TATDN1: variants seen among roughly 807,000 people sequenced by gnomAD.
The protein encoded by TATDN1 is deoxyribonuclease TATDN1.
A neutral mutation model predicts 46.4 loss-of-function variants in TATDN1; 40 were observed. That is an observed-to-expected ratio of 0.86 (90% CI 0.67 to 1.12). The LOEUF is 1.12. Ranked by LOEUF, TATDN1 falls within the 50% of genes most tolerant of loss-of-function variation. TATDN1 has a pLI of 0.00. For missense variants in TATDN1, 326 were observed against 348.4 expected (o/e 0.94, Z 0.51); for synonymous variants, 95 against 105.6 (o/e 0.90, Z 0.62).
chr8:124,531,478 T>C (rs1304770376), intron 1 of TATDN1, among the ~76,000 whole-genome samples: 1 of 152,150 alleles, frequency 6.6e-6, no homozygotes, highest in African/African-American at 2.4e-5. Flanking sequence ...CTTGTTCTAG[T>C]ATTTGGCAGG....
chr8:124,523,736 A>G (rs140499774), intron 1 of TATDN1, among the ~76,000 whole-genome samples: 3 of 152,292 alleles, frequency 2.0e-5, no homozygotes, highest in African/African-American at 4.8e-5. Flanking sequence ...ACACCAAGCC[A>G]TTTTATGTAA....
chr8:124,497,168 T>C (rs1330279039), intron 9 of TATDN1, among the ~76,000 whole-genome samples: 2 of 152,168 alleles, frequency 1.3e-5, no homozygotes, highest in African/African-American at 4.8e-5. Flanking sequence ...CCTTCAAATT[T>C]ATCTGTTGAA....
At chr8:124,513,874 TATTAA>T (rs1479461328) in intron 6 of TATDN1, among the ~76,000 whole-genome samples, 2 of 152,292 alleles carry the variant, frequency 1.3e-5, no homozygotes, top group African/African-American at 4.8e-5. Flanking sequence ...CCTAAAGAAC[TATTAA>T]AGAGAACTGT....
intron 6 of TATDN1, among the ~76,000 whole-genome samples, 174 bp downstream of exon 6, chr8:124,515,572 C>A (rs749991409): frequency 1.2e-4 from 19 of 152,116 alleles, no homozygotes; most frequent in Non-Finnish European, 2.2e-4. Flanking sequence ...TGCTTCCATC[C>A]CTTATGAATT....
chr8:124,490,534 A>G (rs1413508562), intron 11 of TATDN1, among the ~76,000 whole-genome samples: 4 of 152,050 alleles, frequency 2.6e-5, no homozygotes, highest in Non-Finnish European at 4.4e-5. Context: ...AAGAAAAAAA[A>G]ATCTATTGGA....
intron 1 of TATDN1, among the ~76,000 whole-genome samples, chr8:124,533,206 G>C (rs1821123309): frequency 6.6e-6 from 1 of 151,880 alleles, no homozygotes; most frequent in South Asian, 2.1e-4. Context: ...GAGCCAAGAT[G>C]GCGCCACTGC....
At chr8:124,527,723 G>A (rs75831593) in intron 1 of TATDN1, among the ~76,000 whole-genome samples, 5,579 of 151,750 alleles carry the variant, frequency 0.037, 366 homozygotes, top group African/African-American at 0.13. Context: ...TTTTAGCCAC[G>A]ATCTGCTGCA....
Position 124,508,602 on chromosome 8 carries a change from C to T in TATDN1, c.475+1G>A. 6.2e-7 allele frequency: 1 copy of T among 1,606,000 alleles called. No homozygotes were observed. Among genetic ancestry groups the T allele is most frequent in the South Asian group, 1.1e-5 (1 of 89,424 alleles). ...TGAATGAGACTTTGGTTTTAACTCA[C>T]CCAAAAATTCAGCATGTGAGTTTCG... On this transcript the variant is annotated splice_donor_variant, in intron 7 of 11. Transcript: ENST00000276692. LOFTEE classifies it high-confidence loss of function.
At chr8:124,510,764 C>T (rs1484920082) in intron 6 of TATDN1, among the ~76,000 whole-genome samples, 2 of 152,002 alleles carry the variant, frequency 1.3e-5, no homozygotes, top group African/African-American at 4.8e-5. Context: ...GTCAAGGCTG[C>T]GGTGAGCCAT....
intron 10 of TATDN1, chr8:124,495,025 C>A (rs964192960): frequency 1.9e-5 from 3 of 159,232 alleles, no homozygotes; most frequent in African/African-American, 7.2e-5. Flanking sequence ...CCCGGCCTCA[C>A]CTTGTTTTAA....
At chr8:124,514,699 G>A (rs1819308845) in intron 6 of TATDN1, among the ~76,000 whole-genome samples, 1 of 152,160 alleles carries the variant, frequency 6.6e-6, no homozygotes, top group African/African-American at 2.4e-5. Context: ...TTCAGACTGT[G>A]ACCTAAATTT....
intron 1 of TATDN1, among the ~76,000 whole-genome samples, chr8:124,535,310 G>T (rs1027894010): frequency 1.3e-5 from 2 of 152,186 alleles, no homozygotes; most frequent in African/African-American, 4.8e-5. Flanking sequence ...ACACAAAAGG[G>T]CAGAGTTGAA....
chr8:124,523,092 TCACA>T, intron 1 of TATDN1, 90 bp from the exon 2 acceptor site: 4 of 1,087,000 alleles, frequency 3.7e-6, no homozygotes, highest in African/African-American at 1.6e-5. Flanking sequence ...AACTTTTTGT[TCACA>T]CACTCATCTA....
intron 6 of TATDN1, among the ~76,000 whole-genome samples, chr8:124,512,411 T>C (rs1819103174): frequency 6.6e-6 from 1 of 151,926 alleles, no homozygotes; most frequent in Admixed American, 6.6e-5. Context: ...GGGGACAGAG[T>C]GAGACTCCAT....
At chr8:124,506,334 C>CAAAAAAAAAAAAAAAAAAAAAA (rs56023168) in intron 8 of TATDN1, among the ~76,000 whole-genome samples, 2 of 52,524 alleles carry the variant, frequency 3.8e-5, no homozygotes. Flanking sequence ...GGCTCTGTCT[C>CAAAAAAAAAAAAAAAAAAAAAA]AAAAAAAAAA....
intron 1 of TATDN1, among the ~76,000 whole-genome samples, chr8:124,527,719 C>T (rs146691187): frequency 1.3e-5 from 2 of 151,774 alleles, no homozygotes; most frequent in Non-Finnish European, 1.5e-5. Flanking sequence ...CCCATTTTAG[C>T]CACGATCTGC....
chr8:124,501,548 C>T (rs900091282), intron 9 of TATDN1, among the ~76,000 whole-genome samples: 1 of 151,920 alleles, frequency 6.6e-6, no homozygotes, highest in Non-Finnish European at 1.5e-5. Flanking sequence ...CAGAAAGTAA[C>T]TTTAAACTAT....
chr8:124,531,672 CTAAA>C (rs1372394475), intron 1 of TATDN1, among the ~76,000 whole-genome samples: 1 of 152,080 alleles, frequency 6.6e-6, no homozygotes, highest in African/African-American at 2.4e-5. Flanking sequence ...ATGGTGGTAA[CTAAA>C]TGAAATCAAG....
chr8:124,526,531 G>C (rs1384135097), intron 1 of TATDN1: 1 of 152,190 alleles, frequency 6.6e-6, no homozygotes, highest in Non-Finnish European at 1.5e-5. Context: ...AGGCAAAGTG[G>C]AAAATTGCTA....
Sources: gnomAD v4.1 joint callset for allele counts (sites outside exome capture counted in the v4.1 genomes callset) on GRCh38, gnomAD v4.1.1 for gene constraint, MANE v1.5 for transcripts, NCBI Gene and HGNC (gene_info 2026-07-23, HGNC 2026-07-21) for gene names.